Variants in ABI3BP observed in about 807,000 individuals in gnomAD.
ABI3BP encodes ABI family member 3 binding protein, also known as target of Nesh-SH3.
A neutral mutation model predicts 268.6 loss-of-function variants in ABI3BP; 216 were observed. The ratio of observed to expected loss-of-function variants is 0.80; its 90% CI spans 0.72 to 0.90. The LOEUF (loss-of-function observed/expected upper bound fraction) is 0.90. ABI3BP is among the 40% of genes least tolerant of loss of function. The pLI is 0.00. For missense variants in ABI3BP, 2,090 were observed against 2,182.4 expected, an observed-to-expected ratio of 0.96 and a Z score of 0.84; for synonymous variants, 730 against 730.0, an observed-to-expected ratio of 1.00 and a Z score of 0.00.
chr3:100,917,999 C>T (rs9831620), intron 2 of ABI3BP, among the ~76,000 whole-genome samples: 19,438 of 151,684 alleles, frequency 0.13, 1,432 homozygotes, highest in Middle Eastern at 0.19. Context: ...TTTAAAAATC[C>T]CCTTTGAAGC....
chr3:100,829,447 C>T lies in ABI3BP; in HGVS notation c.2542+134G>A, dbSNP rs142193659. On this transcript the variant is annotated intron_variant, in intron 33 of 67. Coordinates refer to ENST00000471714, the MANE Select transcript of ABI3BP (RefSeq NM_001375547.2). The stretch of plus-strand genomic sequence containing the variant: ...AGCATAAGGAATTTGGCTACCACGT[C>T]ATCTCCCCAGCCCTGTTCCTCATTG... 524 of 690,024 alleles carry T rather than the reference C, an allele frequency of 7.6e-4. 6 individuals are homozygous for T. In the East Asian group the frequency reaches 0.012, roughly 16 times the overall value. 42.7% of individuals were successfully genotyped at this position (690,024 alleles called of 1,614,324 possible).
chr3:100,897,984 A>G (rs756024066), intron 4 of ABI3BP, among the ~76,000 whole-genome samples: 1 of 152,224 alleles, frequency 6.6e-6, no homozygotes, highest in Non-Finnish European at 1.5e-5. Flanking sequence ...TTTATAACCA[A>G]CCTAGAAGTA....
At chr3:100,833,270 A>T in intron 29 of ABI3BP, 113 bp from the exon 30 acceptor site, 1 of 933,164 alleles carries the variant, frequency 1.1e-6, no homozygotes, top group Non-Finnish European at 1.6e-6. Flanking sequence ...TTGGTTCTAT[A>T]GCCACAAAGC....
intron 2 of ABI3BP, among the ~76,000 whole-genome samples, chr3:100,909,777 T>TG (rs1303559945): frequency 3.3e-5 from 5 of 152,166 alleles, no homozygotes; most frequent in African/African-American, 7.2e-5. Context: ...CAACAGATGC[T>TG]GAGAGGATGT....
intron 52 of ABI3BP, among the ~76,000 whole-genome samples, chr3:100,796,154 G>A (rs776755882): frequency 7.2e-5 from 11 of 152,050 alleles, no homozygotes; most frequent in Non-Finnish European, 1.0e-4. Context: ...GGATATAAGC[G>A]TTGGCTTAGT....
chr3:100,749,854 A>G lies in ABI3BP; in HGVS notation c.*641T>C. On this transcript the variant is annotated 3_prime_UTR_variant, in exon 68 of 68. Transcript: ENST00000471714. The stretch of plus-strand genomic sequence containing the variant: ...TTAGACTCCATTTTTAGCTGAAATG[A>G]AATTTACTGATTCAATCTTTTTAAG... 1 of 396,496 alleles carries G rather than the reference A, an allele frequency of 2.5e-6. No homozygotes were observed. Among genetic ancestry groups the G allele is most frequent in the East Asian group, 3.6e-5 (1 of 27,916 alleles). The allele number at this position is 396,496 out of a possible 1,614,324, so 24.6% of individuals were successfully genotyped here.
chr3:100,858,622 A>G (rs1339194164), intron 14 of ABI3BP, among the ~76,000 whole-genome samples: 2 of 152,250 alleles, frequency 1.3e-5, no homozygotes, highest in East Asian at 3.8e-4. Flanking sequence ...AAACTTTACA[A>G]AAAGTACGAT....
chr3:100,776,386 T>C (rs1407442686), intron 59 of ABI3BP, among the ~76,000 whole-genome samples: 1 of 152,140 alleles, frequency 6.6e-6, no homozygotes, highest in Admixed American at 6.5e-5. Context: ...TGCACTGCAG[T>C]CCACAAGGGC....
rs201342605 is a variant in ABI3BP at position 100,848,863 on chromosome 3, G to A, written c.1514C>T (p.Thr505Ile). 1.8e-4 allele frequency: 286 copies of A among 1,612,892 alleles called. No individual in the cohort carries two copies. The highest frequency in any genetic ancestry group is 2.3e-4 in the Non-Finnish European group (274 of 1,179,206). The change falls in exon 18 of 68, where the codon ACT becomes ATT. Residue 505 changes from threonine to isoleucine, a missense_variant. Coordinates refer to ENST00000471714, the MANE Select transcript of ABI3BP (RefSeq NM_001375547.2). ...MQPTTPAPQQ[T>I]TSIPSTPKRR... Reference sequence around the variant, plus strand: ...TTTAGGTGTAGAAGGGATAGATGTAGTTTGCTGGGGAGCTGAAAGAAGATT... The same window carrying A: ...TTTAGGTGTAGAAGGGATAGATGTAATTTGCTGGGGAGCTGAAAGAAGATT...
chr3:100,808,088 T>C (rs1420627641), intron 50 of ABI3BP, 73 bp downstream of exon 50: 2 of 1,307,602 alleles, frequency 1.5e-6, no homozygotes, highest in Non-Finnish European at 2.2e-6. Context: ...ATCATAACTA[T>C]TAATGAACAA....
At chr3:100,988,389 T>C (rs932186733) in intron 1 of ABI3BP, among the ~76,000 whole-genome samples, 1 of 152,126 alleles carries the variant, frequency 6.6e-6, no homozygotes, top group African/African-American at 2.4e-5. Flanking sequence ...CACAGTTACA[T>C]CTTGTATGGT....
chr3:100,793,485 G>T (rs959891835), intron 54 of ABI3BP, among the ~76,000 whole-genome samples: 1 of 151,954 alleles, frequency 6.6e-6, no homozygotes, highest in African/African-American at 2.4e-5. Context: ...GACAGGCAAT[G>T]GTTCTGATGT....
intron 1 of ABI3BP, among the ~76,000 whole-genome samples, chr3:100,937,059 T>G (rs1180833030): frequency 6.6e-6 from 1 of 152,082 alleles, no homozygotes; most frequent in Non-Finnish European, 1.5e-5. Context: ...TTTATAAAAA[T>G]AGGCAGTGGG....
At chr3:100,757,120 G>C (rs1378392844) in intron 63 of ABI3BP, among the ~76,000 whole-genome samples, 1 of 151,996 alleles carries the variant, frequency 6.6e-6, no homozygotes. Context: ...AGAACAAAAA[G>C]TCAAAGAGAT....
At chr3:100,920,800 A>C (rs2059995447) in intron 2 of ABI3BP, among the ~76,000 whole-genome samples, 1 of 152,224 alleles carries the variant, frequency 6.6e-6, no homozygotes. Flanking sequence ...TAAATGAGAA[A>C]AATATAATTC....
intron 1 of ABI3BP, among the ~76,000 whole-genome samples, chr3:100,984,346 A>G (rs2153969637): frequency 6.6e-6 from 1 of 152,318 alleles, no homozygotes; most frequent in East Asian, 1.9e-4. Context: ...TTGAATTGCT[A>G]TGTCATAGGT....
At chr3:100,752,474 TGTCA>T (rs1218393379) in intron 66 of ABI3BP, 1 of 245,644 alleles carries the variant, frequency 4.1e-6, no homozygotes, top group South Asian at 8.5e-5. Flanking sequence ...GTCACTTTAT[TGTCA>T]GTCGGTTTTT....
At chr3:100,971,968 G>A (rs751491847) in intron 1 of ABI3BP, among the ~76,000 whole-genome samples, 12 of 152,108 alleles carry the variant, frequency 7.9e-5, no homozygotes, top group Non-Finnish European at 1.6e-4. Context: ...CAGAAATGCG[G>A]GCTGAGAAGG....
At chr3:100,926,039 A>T (rs1170811819) in intron 2 of ABI3BP, among the ~76,000 whole-genome samples, 1 of 152,150 alleles carries the variant, frequency 6.6e-6, no homozygotes, top group Admixed American at 6.6e-5. Flanking sequence ...AATCCCAGAC[A>T]TTTCAGCTGT....
Sources: allele counts gnomAD v4.1 joint callset (sites outside exome capture counted in the v4.1 genomes callset), GRCh38; gene constraint gnomAD v4.1.1; transcripts MANE v1.5; gene names NCBI Gene and HGNC (gene_info 2026-07-23, HGNC 2026-07-21).